The following DYNC2H1 variants were observed in gnomAD, a reference collection of about 807,000 sequenced individuals.
DYNC2H1 encodes the protein dynein cytoplasmic 2 heavy chain 1.
DYNC2H1 carries 410 observed loss-of-function variants against 570.0 expected under a neutral mutation model. That is an observed-to-expected ratio of 0.72 (90% CI 0.66 to 0.78). The LOEUF is 0.78. Among genes scored for constraint, DYNC2H1 ranks in the 30% least tolerant of loss-of-function variants. The probability of loss-of-function intolerance (pLI) is 0.00; values close to 1 mark genes in which losing one functional copy is unlikely to be tolerated. For synonymous variants in DYNC2H1, 1,688 were observed against 1,677.6 expected, an observed-to-expected ratio of 1.01 and a Z score of -0.15; for missense variants, 4,865 against 5,046.4, an observed-to-expected ratio of 0.96 and a Z score of 1.09.
chr11:103,206,663 T>C (rs2135105248), intron 52 of DYNC2H1, among the ~76,000 whole-genome samples: 1 of 152,010 alleles, frequency 6.6e-6, no homozygotes, highest in East Asian at 1.9e-4. Flanking sequence ...CAAAAGAAGA[T>C]AGCATGTCAA....
At chr11:103,118,643 G>A (rs1249363089) in intron 6 of DYNC2H1, among the ~76,000 whole-genome samples, 4 of 151,980 alleles carry the variant, frequency 2.6e-5, no homozygotes. Context: ...TTTATGTCTA[G>A]CCAGCATGTA....
chr11:103,135,166 G>A lies in DYNC2H1; in HGVS notation c.2206-329G>A, dbSNP rs77050677. ...ATACTTGATGGGAATTTTTGAAAAA[G>A]GACCAAGAAGTTCACAAAATAAACC... On this transcript the variant is annotated intron_variant, in intron 15 of 88. Transcript: ENST00000375735. Among the ~76,000 whole-genome samples the A allele has an allele frequency of 0.026, 3,908 of 152,030 alleles. 192 individuals carry two copies. The highest frequency in any genetic ancestry group is 0.089 in the African/African-American group (3,700 of 41,494).
chr11:103,443,613 T>TTCA (rs1944337742), intron 85 of DYNC2H1, among the ~76,000 whole-genome samples: 1 of 151,812 alleles, frequency 6.6e-6, no homozygotes, highest in African/African-American at 2.4e-5. Flanking sequence ...CTCCTTTTAC[T>TTCA]TCATCTCCTG....
At chr11:103,292,136 T>G (rs1866633205) in intron 75 of DYNC2H1, among the ~76,000 whole-genome samples, 1 of 151,160 alleles carries the variant, frequency 6.6e-6, no homozygotes, top group Admixed American at 6.6e-5. Flanking sequence ...TTCTGGTTGT[T>G]TTGTTAGTGT....
intron 84 of DYNC2H1, among the ~76,000 whole-genome samples, chr11:103,425,514 A>G (rs1212289697): frequency 6.6e-6 from 1 of 151,864 alleles, no homozygotes; most frequent in East Asian, 1.9e-4. Context: ...CACCCTCATA[A>G]CCTATTTCCT....
chr11:103,257,685 T>A lies in DYNC2H1; in HGVS notation c.10539T>A (p.Asn3513Lys). Residue 3513 changes from asparagine to lysine, a missense_variant, in exon 69 of 89, where the codon AAT (asparagine) becomes AAA (lysine). By Grantham distance (94) the Asn-to-Lys change is moderately conservative. Coordinates refer to ENST00000375735, the MANE Select transcript of DYNC2H1 (RefSeq NM_001377.3). ...TTATTTCTGATTTGTCCAAAATTAATAACATGTACCGTTTTAGTTTGGCTG... is the reference window on the plus strand; with the variant it reads ...TTATTTCTGATTTGTCCAAAATTAAAAACATGTACCGTTTTAGTTTGGCTG... ...YFIISDLSKINNMYRFSLAAF... is the reference protein window; with the variant it reads ...YFIISDLSKIKNMYRFSLAAF... 1 of 1,612,922 alleles carries A rather than the reference T, an allele frequency of 6.2e-7. No homozygotes were observed. Among genetic ancestry groups the A allele is most frequent in the East Asian group, 2.2e-5 (1 of 44,842 alleles).
Position 103,170,382 on chromosome 11 carries a change from A to G in DYNC2H1, c.5151+92A>G. The G allele has an allele frequency of 8.2e-7, 1 of 1,225,700 alleles. No individual in the cohort carries two copies. Among genetic ancestry groups the G allele is most frequent in the Non-Finnish European group, 1.1e-6 (1 of 918,730 alleles). The allele number at this position is 1,225,700 out of a possible 1,614,324, so 75.9% of individuals were successfully genotyped here. A position where few individuals can be genotyped will look rare whatever the true frequency, so the allele number is the denominator to read the frequency against. ...ATATGAAATACTCTACTTAAAAATC[A>G]CTACATTTAAATTAGTTGAAGACAG... On this transcript the variant is annotated intron_variant, in intron 33 of 88. Coordinates refer to ENST00000375735, the MANE Select transcript of DYNC2H1 (RefSeq NM_001377.3). This position sits in a 1 kb window ranked among gnomAD's most constrained non-coding sequence, Gnocchi z 4.8.
Position 103,254,227 on chromosome 11 carries a change from A to G in DYNC2H1, c.10206+779A>G, listed in dbSNP as rs1316555002. Among the ~76,000 whole-genome samples the G allele has an allele frequency of 6.6e-6, 1 of 152,188 alleles. No individual in the cohort carries two copies. The highest frequency in any genetic ancestry group is 2.4e-5 in the African/African-American group (1 of 41,454). The stretch of plus-strand genomic sequence containing the variant: ...GACTTGATGATACTTCTTTTAAATA[A>G]AACAATGTGACAATCATTCAAAACT... On this transcript the variant is annotated intron_variant, in intron 66 of 88. Coordinates refer to ENST00000375735, the MANE Select transcript of DYNC2H1 (RefSeq NM_001377.3). The surrounding 1 kb of genome is among the most constrained non-coding windows in gnomAD (Gnocchi z 4.9).
chr11:103,323,000 G>A (rs868421031), intron 81 of DYNC2H1, among the ~76,000 whole-genome samples: 12 of 152,220 alleles, frequency 7.9e-5, no homozygotes, highest in Middle Eastern at 3.4e-3. Context: ...TACAGGCCCC[G>A]GACTTCCTGG....
At chr11:103,148,279 TACA>T (rs1282768513) in intron 19 of DYNC2H1, among the ~76,000 whole-genome samples, 2 of 152,204 alleles carry the variant, frequency 1.3e-5, no homozygotes, top group African/African-American at 4.8e-5. Context: ...AATTTTTAAA[TACA>T]ACGTGAAACA....
intron 65 of DYNC2H1, among the ~76,000 whole-genome samples, chr11:103,253,017 A>G (rs1045962233): frequency 6.6e-6 from 1 of 152,202 alleles, no homozygotes; most frequent in African/African-American, 2.4e-5. Context: ...GAAACATATT[A>G]ATGTTAAAAC....
chr11:103,123,687 C>T (rs1858839208), intron 11 of DYNC2H1, among the ~76,000 whole-genome samples: 1 of 152,106 alleles, frequency 6.6e-6, no homozygotes, highest in South Asian at 2.1e-4. Context: ...AATTTGCATA[C>T]TTTATCATTA....
chr11:103,202,081 T>C (rs190614570), intron 50 of DYNC2H1, among the ~76,000 whole-genome samples: 4 of 152,304 alleles, frequency 2.6e-5, no homozygotes, highest in African/African-American at 9.6e-5. Context: ...AGTGCCCAGA[T>C]GAGAAATACA....
At position 103,133,740 on chromosome 11, in the gene DYNC2H1, G is replaced by A; in HGVS notation, c.2106+33G>A. ...TTGTTTATAAAATTGAATAAGCTAT[G>A]AATGATATTATTTAAAAAGTCATTA... On this transcript the variant is annotated intron_variant, in intron 14 of 88. Transcript: ENST00000375735. The surrounding 1 kb of genome is among the most constrained non-coding windows in gnomAD (Gnocchi z 4.8). 1 of 1,515,298 alleles carries A rather than the reference G, an allele frequency of 6.6e-7. No individual in the cohort carries two copies. The highest frequency in any genetic ancestry group is 1.4e-5 in the African/African-American group (1 of 70,996). The allele number at this position is 1,515,298 out of a possible 1,614,324, so 93.9% of individuals were successfully genotyped here. A position where few individuals can be genotyped will look rare whatever the true frequency, so the allele number is the denominator to read the frequency against.
At position 103,129,682 on chromosome 11, in the gene DYNC2H1, A is replaced by AAAAAAAAAG. The variant is rs896177059; in HGVS notation, c.1953+690_1953+698dup. 6.9e-6 allele frequency among the ~76,000 whole-genome samples: 1 copy of AAAAAAAAAG among 145,494 alleles called. No homozygotes were observed. Among genetic ancestry groups the AAAAAAAAAG allele is most frequent in the African/African-American group, 2.5e-5 (1 of 40,026 alleles). On this transcript the variant is annotated intron_variant, in intron 13 of 88. Coordinates refer to ENST00000375735, the MANE Select transcript of DYNC2H1 (RefSeq NM_001377.3). The surrounding 1 kb of genome is among the most constrained non-coding windows in gnomAD (Gnocchi z 4.1). ...CTGGGAGACAGAGCGACTCCATCTC[A>AAAAAAAAAG]AAAAAAAAGAAAAAAAAGAAAGAAA...
chr11:103,386,277 T>G (rs985528809), intron 83 of DYNC2H1, among the ~76,000 whole-genome samples: 2 of 152,186 alleles, frequency 1.3e-5, no homozygotes, highest in Non-Finnish European at 2.9e-5. Flanking sequence ...TTTGTAGACT[T>G]CCTTTTTTTG....
intron 70 of DYNC2H1, among the ~76,000 whole-genome samples, chr11:103,269,984 A>G (rs918266191): frequency 6.6e-6 from 1 of 152,016 alleles, no homozygotes; most frequent in African/African-American, 2.4e-5. Context: ...ACCTGAGGTC[A>G]GGATTTGAGA....
chr11:103,235,807 C>T lies in DYNC2H1; in HGVS notation c.9703C>T (p.Leu3235Phe). The change falls in exon 62 of 89, where the codon CTT (leucine) becomes TTT (phenylalanine). Residue 3235 changes from leucine to phenylalanine, a missense_variant. Physicochemically the swap from Leu to Phe is conservative, Grantham distance 22. Coordinates refer to ENST00000375735, the MANE Select transcript of DYNC2H1 (RefSeq NM_001377.3). ...CLEEWTKSAG[L>F]EKFDLRRFLC... is the part of the protein sequence containing the mutation. ...GGAAGAATGGACCAAGTCAGCTGGT[C>T]TTGAGAGTTTGTATTTAGTTATTCC... 1.2e-6 allele frequency: 2 copies of T among 1,610,882 alleles called. No homozygotes were observed. The highest frequency in any genetic ancestry group is 1.1e-5 in the South Asian group (1 of 90,864).
Position 103,243,451 on chromosome 11 carries a change from T to C in DYNC2H1, c.9820-242T>C, listed in dbSNP as rs12790546. Among the ~76,000 whole-genome samples, 660 of 152,286 alleles carry C rather than the reference T, an allele frequency of 4.3e-3. 2 individuals are homozygous for C. Among genetic ancestry groups the C allele is most frequent in the Admixed American group, 6.7e-3 (103 of 15,286 alleles). On this transcript the variant is annotated intron_variant, in intron 63 of 88. Coordinates refer to ENST00000375735, the MANE Select transcript of DYNC2H1 (RefSeq NM_001377.3). This position sits in a 1 kb window ranked among gnomAD's most constrained non-coding sequence, Gnocchi z 4.8. ...GTGTTAAGTAGGACTGTACTCTCTA[T>C]ACTCTGGCTAAATGTAATTACCTAA...
Sources: allele counts gnomAD v4.1 joint callset (sites outside exome capture counted in the v4.1 genomes callset), GRCh38; gene constraint gnomAD v4.1.1; non-coding constraint Gnocchi (gnomAD v3.1); transcripts MANE v1.5; gene names NCBI Gene and HGNC (gene_info 2026-07-23, HGNC 2026-07-21).